Variants in TNFSF4 observed in about 807,000 individuals in gnomAD.
The protein encoded by TNFSF4 is TNF superfamily member 4, also known as tumor necrosis factor ligand superfamily member 4.
TNFSF4 carries 4 observed loss-of-function variants against 7.3 expected under a neutral mutation model. The ratio of observed to expected loss-of-function variants is 0.55; its 90% confidence interval spans 0.27 to 1.25. The LOEUF (loss-of-function observed/expected upper bound fraction) is 1.25, where lower values mean the gene tolerates loss of function less well. TNFSF4 is among the 50% of genes most tolerant of loss of function. The pLI, the probability that TNFSF4 is intolerant of heterozygous loss-of-function variation, is 0.12. For synonymous variants in TNFSF4, 76 were observed against 83.7 expected (o/e 0.91, Z 0.50); for missense variants, 181 against 208.8 (o/e 0.87, Z 0.82).
the TNFSF4 span, among the ~76,000 whole-genome samples, chr1:173,436,492 C>T: frequency 3.9e-5 from 6 of 152,306 alleles, no homozygotes; most frequent in South Asian, 1.2e-3. Context: ...TCACTGCAAC[C>T]TCTCCCTCCC....
At chr1:173,392,614 C>G in the TNFSF4 span, among the ~76,000 whole-genome samples, 1 of 152,066 alleles carries the variant, frequency 6.6e-6, no homozygotes, top group South Asian at 2.1e-4. Context: ...TTAGGTAAGT[C>G]CTTTGAGGAG....
the TNFSF4 span, among the ~76,000 whole-genome samples, chr1:173,325,752 A>C: frequency 6.6e-6 from 1 of 152,230 alleles, no homozygotes. Context: ...ACGCAAAGAA[A>C]CTAGAGAATC....
the TNFSF4 span, among the ~76,000 whole-genome samples, chr1:173,239,076 T>C: frequency 6.6e-6 from 1 of 152,198 alleles, no homozygotes; most frequent in East Asian, 1.9e-4. Flanking sequence ...ACTGAACTAC[T>C]GTATAATTAA....
chr1:173,421,738 T>C, the TNFSF4 span, among the ~76,000 whole-genome samples: 1 of 152,322 alleles, frequency 6.6e-6, no homozygotes, highest in East Asian at 1.9e-4. Context: ...TTTGTAACTA[T>C]TTCAAGGCTA....
chr1:173,279,363 C>T, the TNFSF4 span, among the ~76,000 whole-genome samples: 1 of 152,068 alleles, frequency 6.6e-6, no homozygotes, highest in Non-Finnish European at 1.5e-5. Flanking sequence ...CTTTTTGTCT[C>T]CCTAAATGTT....
At chr1:173,308,630 A>G in the TNFSF4 span, among the ~76,000 whole-genome samples, 1 of 151,934 alleles carries the variant, frequency 6.6e-6, no homozygotes, top group East Asian at 1.9e-4. Context: ...TAAAACAACA[A>G]TAATAATTTT....
the TNFSF4 span, among the ~76,000 whole-genome samples, chr1:173,359,042 T>C: frequency 1.3e-5 from 2 of 152,220 alleles, no homozygotes; most frequent in South Asian, 2.1e-4. Context: ...ATAAACTCAA[T>C]TAAAGCATTC....
chr1:173,386,699 C>CT, the TNFSF4 span, among the ~76,000 whole-genome samples: 903 of 152,314 alleles, frequency 5.9e-3, 10 homozygotes, highest in African/African-American at 0.018. Flanking sequence ...CTGCAGGCAT[C>CT]TGACTCCAAC....
the TNFSF4 span, among the ~76,000 whole-genome samples, chr1:173,369,172 T>A: frequency 1.5e-4 from 23 of 152,166 alleles, 1 homozygote; most frequent in Admixed American, 1.5e-3. Context: ...ACAAAAGGCA[T>A]CACTCTTCCC....
the TNFSF4 span, among the ~76,000 whole-genome samples, chr1:173,404,759 G>C: frequency 1.7e-4 from 26 of 151,910 alleles, no homozygotes; most frequent in East Asian, 4.9e-3. Context: ...AGCCTCCCAA[G>C]TAGCTAGGAT....
At chr1:173,440,426 A>G in the TNFSF4 span, 1 of 152,288 alleles carries the variant, frequency 6.6e-6, no homozygotes, top group Admixed American at 6.5e-5. Flanking sequence ...TAATATTAAA[A>G]TAAGTTTTAA....
At chr1:173,234,605 C>A in the TNFSF4 span, among the ~76,000 whole-genome samples, 1 of 152,070 alleles carries the variant, frequency 6.6e-6, no homozygotes, top group Non-Finnish European at 1.5e-5. Context: ...CCATGGAATA[C>A]TATGCAGCCA....
chr1:173,251,009 C>A, the TNFSF4 span, among the ~76,000 whole-genome samples: 2 of 152,282 alleles, frequency 1.3e-5, no homozygotes, highest in South Asian at 4.1e-4. Context: ...GTTAGATATG[C>A]AAATTCTGAG....
the TNFSF4 span, among the ~76,000 whole-genome samples, chr1:173,285,796 T>C: frequency 1.3e-5 from 2 of 152,198 alleles, no homozygotes; most frequent in Non-Finnish European, 2.9e-5. Context: ...GGCTACAGTA[T>C]AGTATACATA....
chr1:173,332,306 A>G, the TNFSF4 span, among the ~76,000 whole-genome samples: 1 of 152,172 alleles, frequency 6.6e-6, no homozygotes, highest in Admixed American at 6.5e-5. Context: ...GCTGAGGGGA[A>G]GACTAACAAA....
the TNFSF4 span, among the ~76,000 whole-genome samples, chr1:173,312,144 C>T: frequency 6.6e-6 from 1 of 152,072 alleles, no homozygotes; most frequent in African/African-American, 2.4e-5. Flanking sequence ...GTTGTAAATT[C>T]TAAGGTTTTT....
the TNFSF4 span, among the ~76,000 whole-genome samples, chr1:173,423,543 TA>T: frequency 1.3e-5 from 2 of 152,072 alleles, no homozygotes; most frequent in African/African-American, 4.8e-5. Flanking sequence ...GACCACTGGA[TA>T]AAGGGGCAAC....
At chr1:173,427,273 A>AT in the TNFSF4 span, among the ~76,000 whole-genome samples, 1 of 151,924 alleles carries the variant, frequency 6.6e-6, no homozygotes, top group Non-Finnish European at 1.5e-5. Flanking sequence ...ACCAGGGATG[A>AT]TTTTTCCCTA....
the TNFSF4 span, among the ~76,000 whole-genome samples, chr1:173,214,149 A>G: frequency 6.6e-6 from 1 of 152,208 alleles, no homozygotes; most frequent in Non-Finnish European, 1.5e-5. Context: ...GTCCTGTCTG[A>G]AACACCTCTC....
Sources: gnomAD v4.1 joint callset for allele counts (sites outside exome capture counted in the v4.1 genomes callset) on GRCh38, gnomAD v4.1.1 for gene constraint, MANE v1.5 for transcripts, NCBI Gene and HGNC (gene_info 2026-07-23, HGNC 2026-07-21) for gene names.